The following SDK1 variants were observed in gnomAD, a reference collection of about 807,000 sequenced individuals.
The protein encoded by SDK1 is protein sidekick-1.
In SDK1, 157 loss-of-function variants were observed where a neutral mutation model predicts 245.5. The ratio of observed to expected loss-of-function variants is 0.64; its 90% CI spans 0.56 to 0.73. The LOEUF is 0.73. Ranked by LOEUF, SDK1 falls within the 30% of genes least tolerant of loss-of-function variation. The probability of loss-of-function intolerance (pLI) is 0.00; values close to 1 mark genes in which losing one functional copy is unlikely to be tolerated. For synonymous variants in SDK1, 1,647 were observed against 1,278.5 expected (o/e 1.29, Z -6.15); for missense variants, 3,583 against 3,002.3 (o/e 1.19, Z -4.52).
At chr7:3,433,632 G>C (rs781607508) in intron 1 of SDK1, among the ~76,000 whole-genome samples, 7 of 152,180 alleles carry the variant, frequency 4.6e-5, no homozygotes, top group Non-Finnish European at 1.0e-4. Flanking sequence ...CCAAGAAATG[G>C]TTAATCTTTG....
chr7:3,906,949 C>T (rs989415206), intron 5 of SDK1, among the ~76,000 whole-genome samples: 2 of 152,062 alleles, frequency 1.3e-5, no homozygotes, highest in East Asian at 1.9e-4. Flanking sequence ...TTTTTGATCT[C>T]CTTTCTAGCG....
At chr7:3,828,988 G>C (rs1779849399) in intron 5 of SDK1, among the ~76,000 whole-genome samples, 1 of 152,038 alleles carries the variant, frequency 6.6e-6, no homozygotes, top group Admixed American at 6.6e-5. Context: ...AGTTTTTTCA[G>C]AGGCTGTGAT....
intron 4 of SDK1, among the ~76,000 whole-genome samples, chr7:3,686,025 A>C (rs1295221524): frequency 2.0e-5 from 3 of 152,198 alleles, no homozygotes; most frequent in Non-Finnish European, 4.4e-5. Context: ...GTGCAATGAC[A>C]TAAGAGGACA....
At chr7:3,382,713 G>T (rs1268745060) in intron 1 of SDK1, among the ~76,000 whole-genome samples, 1 of 152,068 alleles carries the variant, frequency 6.6e-6, no homozygotes, top group East Asian at 1.9e-4. Context: ...ATATTTTGAG[G>T]AAACGATTAG....
At chr7:3,477,989 A>G (rs1326517133) in intron 1 of SDK1, among the ~76,000 whole-genome samples, 2 of 152,054 alleles carry the variant, frequency 1.3e-5, no homozygotes, top group Admixed American at 6.5e-5. Context: ...ACAGTTTCCC[A>G]TATGTATTGA....
chr7:3,432,137 A>G (rs544659543), intron 1 of SDK1, among the ~76,000 whole-genome samples: 4 of 144,060 alleles, frequency 2.8e-5, no homozygotes, highest in Non-Finnish European at 4.6e-5. Context: ...ATATATATGT[A>G]TTTTATATTT....
At chr7:3,918,287 G>A (rs1779456068) in intron 5 of SDK1, among the ~76,000 whole-genome samples, 1 of 152,250 alleles carries the variant, frequency 6.6e-6, no homozygotes, top group Non-Finnish European at 1.5e-5. Context: ...CAGGGGAGCA[G>A]CGAGTGAGCA....
chr7:4,063,358 A>G (rs1779661348), intron 19 of SDK1, among the ~76,000 whole-genome samples: 1 of 152,188 alleles, frequency 6.6e-6, no homozygotes, highest in Non-Finnish European at 1.5e-5. Flanking sequence ...CAATAGCTAT[A>G]AAAGAAAAAC....
chr7:3,641,860 A>G (rs967488821), intron 3 of SDK1, 98 bp from the exon 4 acceptor site: 1 of 945,114 alleles, frequency 1.1e-6, no homozygotes, highest in Non-Finnish European at 1.6e-6. Context: ...TGGCAGCATC[A>G]GTGACTTTAC....
At chr7:3,627,617 G>T (rs544687170) in intron 2 of SDK1, among the ~76,000 whole-genome samples, 2 of 152,188 alleles carry the variant, frequency 1.3e-5, no homozygotes, top group East Asian at 1.9e-4. Context: ...CCGTTGCCAC[G>T]TTTGGCATCT....
At chr7:3,953,927 C>T (rs964064239) in intron 7 of SDK1, among the ~76,000 whole-genome samples, 28 of 152,088 alleles carry the variant, frequency 1.8e-4, no homozygotes, top group African/African-American at 5.8e-4. Context: ...GTGTCAATTC[C>T]GAGGGATTTG....
At chr7:4,018,143 A>G (rs1172283233) in intron 17 of SDK1, among the ~76,000 whole-genome samples, 1 of 152,118 alleles carries the variant, frequency 6.6e-6, no homozygotes, top group Admixed American at 6.6e-5. Flanking sequence ...CAGGGAAGTA[A>G]TTTTTCTACT....
In SDK1 at chr7:3,449,454, C is replaced by T. The variant is rs116986179; in HGVS notation, c.298+147570C>T. On this transcript the variant is annotated intron_variant, in intron 1 of 44. Coordinates refer to ENST00000404826, the MANE Select transcript of SDK1 (RefSeq NM_152744.4). Reference sequence around the variant, plus strand: ...AGGAGAGGCAAAGTAACTCCAGTATCTCTAGCCAGGAGTGGCTTGAAGAAT... The same window carrying T: ...AGGAGAGGCAAAGTAACTCCAGTATTTCTAGCCAGGAGTGGCTTGAAGAAT... Among the ~76,000 whole-genome samples the T allele has an allele frequency of 4.2e-3, 642 of 151,848 alleles. 7 individuals are homozygous for T. The highest frequency in any genetic ancestry group is 0.018 in the South Asian group (87 of 4,828).
chr7:3,738,222 G>C (rs994980410), intron 4 of SDK1, among the ~76,000 whole-genome samples: 6 of 152,184 alleles, frequency 3.9e-5, no homozygotes, highest in Non-Finnish European at 7.3e-5. Context: ...GTTAATTTTT[G>C]TATGTGGCGT....
At chr7:3,619,058 G>C in intron 1 of SDK1, 22 bp from the exon 2 acceptor site, 1 of 1,531,950 alleles carries the variant, frequency 6.5e-7, no homozygotes, top group Non-Finnish European at 8.9e-7. Context: ...GTTTTGTTTT[G>C]TTTTGTTTTT....
chr7:3,559,314 T>G (rs1170947399), intron 1 of SDK1, among the ~76,000 whole-genome samples: 1 of 152,196 alleles, frequency 6.6e-6, no homozygotes, highest in Non-Finnish European at 1.5e-5. Flanking sequence ...GCTGTTTCCT[T>G]TGTGAAATGG....
chr7:3,805,416 G>C (rs1343967245), intron 4 of SDK1, among the ~76,000 whole-genome samples: 2 of 152,182 alleles, frequency 1.3e-5, no homozygotes, highest in Non-Finnish European at 2.9e-5. Context: ...AGCCTCTTCA[G>C]GTTGATTCTT....
intron 1 of SDK1, among the ~76,000 whole-genome samples, chr7:3,461,547 C>T (rs189336810): frequency 3.6e-4 from 55 of 152,190 alleles, no homozygotes; most frequent in Non-Finnish European, 6.5e-4. Context: ...GCGTGAGGGC[C>T]GAATTCAAGT....
intron 1 of SDK1, among the ~76,000 whole-genome samples, chr7:3,395,020 T>C (rs1008586213): frequency 3.3e-5 from 5 of 152,056 alleles, no homozygotes; most frequent in Middle Eastern, 3.2e-3. Context: ...GGTTAGAGCT[T>C]CCAGTGCTGT....
Sources: gnomAD v4.1 joint callset for allele counts (sites outside exome capture counted in the v4.1 genomes callset) on GRCh38, gnomAD v4.1.1 for gene constraint, MANE v1.5 for transcripts, NCBI Gene and HGNC (gene_info 2026-07-23, HGNC 2026-07-21) for gene names.